Variants in ABAT observed in about 807,000 individuals in gnomAD.
The protein encoded by ABAT is 4-aminobutyrate aminotransferase, mitochondrial.
In ABAT, 45 loss-of-function variants were observed where a neutral mutation model predicts 64.6. The ratio of observed to expected loss-of-function variants is 0.70; its 90% CI spans 0.55 to 0.89. The LOEUF is 0.89. ABAT is among the 40% of genes least tolerant of loss of function. ABAT has a pLI of 0.00. For missense variants in ABAT, 633 were observed against 658.4 expected (o/e 0.96, Z 0.42); for synonymous variants, 297 against 250.5 (o/e 1.19, Z -1.75).
intron 5 of ABAT, among the ~76,000 whole-genome samples, chr16:8,750,996 G>A (rs572656627): frequency 2.7e-5 from 4 of 149,230 alleles, no homozygotes; most frequent in East Asian, 2.0e-4. Context: ...TCGACCAGGC[G>A]GGAGTGAAGT....
chr16:8,771,918 A>G (rs1344297442), intron 11 of ABAT, among the ~76,000 whole-genome samples: 1 of 152,062 alleles, frequency 6.6e-6, no homozygotes, highest in African/African-American at 2.4e-5. Flanking sequence ...GCACGCAGCC[A>G]CCATGCCCAG....
At chr16:8,708,896 G>A (rs1048873252) in intron 1 of ABAT, among the ~76,000 whole-genome samples, 6 of 152,082 alleles carry the variant, frequency 3.9e-5, no homozygotes, top group African/African-American at 1.4e-4. Flanking sequence ...AATAAACGGC[G>A]GCCAGTATTG....
chr16:8,682,404 A>G (rs2057357078), intron 1 of ABAT, among the ~76,000 whole-genome samples: 1 of 152,170 alleles, frequency 6.6e-6, no homozygotes, highest in African/African-American at 2.4e-5. Flanking sequence ...ACAGAACGCT[A>G]TTCTTCCAAC....
rs1301380041 is a variant in ABAT, at chr16:8,776,970, C to G, written c.1269+480C>G. Among the ~76,000 whole-genome samples, 1 of 152,174 alleles carries G rather than the reference C, an allele frequency of 6.6e-6. No individual in the cohort carries two copies. The highest frequency in any genetic ancestry group is 1.5e-5 in the Non-Finnish European group (1 of 68,036). The stretch of plus-strand genomic sequence containing the variant: ...CTGGAGTGCAGTGGCGCAATCTCAG[C>G]TCACCGCAACCGCTGCCTCCTGGGT... On this transcript the variant is annotated intron_variant, in intron 14 of 15. Coordinates refer to ENST00000268251, the MANE Select transcript of ABAT (RefSeq NM_020686.6). This position sits in a 1 kb window ranked among gnomAD's most constrained non-coding sequence, Gnocchi z 4.4.
intron 1 of ABAT, among the ~76,000 whole-genome samples, chr16:8,701,901 G>A (rs1462922626): frequency 1.3e-5 from 2 of 151,872 alleles, no homozygotes; most frequent in Non-Finnish European, 2.9e-5. Context: ...GGAACCACGA[G>A]GGGGCCAGTG....
At chr16:8,762,707 A>G (rs954304785) in intron 6 of ABAT, among the ~76,000 whole-genome samples, 4 of 152,032 alleles carry the variant, frequency 2.6e-5, no homozygotes, top group Admixed American at 2.0e-4. Flanking sequence ...TCTGGGAGCC[A>G]TTTCCCTGCT....
intron 2 of ABAT, among the ~76,000 whole-genome samples, chr16:8,745,243 G>T (rs2059296149): frequency 6.6e-6 from 1 of 152,148 alleles, no homozygotes; most frequent in African/African-American, 2.4e-5. Context: ...TCGACTCCCA[G>T]AGTGCTGGGA....
Position 8,783,794 on chromosome 16 carries a change from G to A in ABAT, c.*2364G>A, listed in dbSNP as rs902990263. ...GTGGCTCTCTTTGGTAGGGAGAGGG[G>A]CTCCAATATTTCGTTCTCTCCCCAT... On this transcript the variant is annotated 3_prime_UTR_variant, in exon 16 of 16. Coordinates refer to ENST00000268251, the MANE Select transcript of ABAT (RefSeq NM_020686.6). The A allele has an allele frequency of 2.0e-5, 3 of 152,120 alleles. No homozygotes were observed. In the South Asian group the frequency reaches 6.2e-4, roughly 32 times the overall value. The allele number at this position is 152,120 out of a possible 1,614,324, so 9.4% of individuals were successfully genotyped here.
chr16:8,723,827 A>ATATT (rs1567286201), intron 1 of ABAT, among the ~76,000 whole-genome samples: 5 of 40,348 alleles, frequency 1.2e-4, no homozygotes, highest in South Asian at 1.2e-3. Context: ...ATATATATAT[A>ATATT]TTTTTTTTTT....
intron 8 of ABAT, chr16:8,765,911 C>T (rs572268113): frequency 1.8e-5 from 7 of 382,972 alleles, no homozygotes; most frequent in South Asian, 8.8e-5. Flanking sequence ...GATTTGAGCC[C>T]GCACATCTGG....
rs910065058 is a variant in ABAT, at chr16:8,750,450, A to G, written c.227A>G (p.Asn76Ser). Residue 76 changes from asparagine to serine, a missense_variant, in exon 5 of 16, where the codon AAT (asparagine) becomes AGT (serine). Transcript: ENST00000268251. ...QNAEAVHFFC[N>S]YEESRGNYLV... ...GCAGAGGCTGTGCATTTTTTCTGCA[A>G]TTACGAAGAGAGCCGAGGCAATTAC... The G allele has an allele frequency of 6.2e-7, 1 of 1,614,170 alleles. No homozygotes were observed. Among genetic ancestry groups the G allele is most frequent in the Non-Finnish European group, 8.5e-7 (1 of 1,180,022 alleles).
At chr16:8,754,310 A>T (rs1404852556) in intron 5 of ABAT, among the ~76,000 whole-genome samples, 1 of 151,846 alleles carries the variant, frequency 6.6e-6, no homozygotes, top group African/African-American at 2.4e-5. Context: ...AGCCATGATT[A>T]CACCACTGCA....
At chr16:8,690,220 C>G (rs1307440715) in intron 1 of ABAT, among the ~76,000 whole-genome samples, 1 of 152,216 alleles carries the variant, frequency 6.6e-6, no homozygotes, top group Non-Finnish European at 1.5e-5. Context: ...CATCTCAGGT[C>G]TGGAACTCTT....
chr16:8,730,817 G>C (rs2058696505), intron 1 of ABAT, among the ~76,000 whole-genome samples: 1 of 152,216 alleles, frequency 6.6e-6, no homozygotes, highest in Non-Finnish European at 1.5e-5. Context: ...GGACTCCTGA[G>C]CCAGATATCT....
At chr16:8,721,394 C>T (rs60732583) in intron 1 of ABAT, among the ~76,000 whole-genome samples, 12,073 of 152,074 alleles carry the variant, frequency 0.079, 999 homozygotes, top group East Asian at 0.45. Context: ...TCTCAGCCTC[C>T]GAGCCTCCAG....
chr16:8,740,354 T>C (rs1352416113), intron 2 of ABAT, among the ~76,000 whole-genome samples: 1 of 152,204 alleles, frequency 6.6e-6, no homozygotes, highest in East Asian at 1.9e-4. Context: ...GAGGGTGTAA[T>C]GGAGCTGTCA....
intron 5 of ABAT, among the ~76,000 whole-genome samples, chr16:8,753,112 T>C (rs1307395485): frequency 4.7e-5 from 7 of 148,884 alleles, no homozygotes; most frequent in Non-Finnish European, 7.4e-5. Context: ...TTTTTTTTTT[T>C]AGACGGAGTC....
chr16:8,679,018 A>G (rs570545045), intron 1 of ABAT, among the ~76,000 whole-genome samples: 3 of 152,280 alleles, frequency 2.0e-5, no homozygotes, highest in African/African-American at 7.2e-5. Flanking sequence ...CTTCCCATGC[A>G]TTAAAAATGA....
chr16:8,760,916 CTG>C (rs1169554220), intron 6 of ABAT, among the ~76,000 whole-genome samples: 2 of 151,924 alleles, frequency 1.3e-5, no homozygotes, highest in African/African-American at 4.8e-5. Flanking sequence ...TCTACGATAA[CTG>C]TTTTTAAAAA....
Sources: allele counts gnomAD v4.1 joint callset (sites outside exome capture counted in the v4.1 genomes callset), GRCh38; gene constraint gnomAD v4.1.1; non-coding constraint Gnocchi (gnomAD v3.1); transcripts MANE v1.5; gene names NCBI Gene and HGNC (gene_info 2026-07-23, HGNC 2026-07-21).